The following PDE4D variants were observed in gnomAD, a reference collection of about 807,000 sequenced individuals.
PDE4D encodes the protein phosphodiesterase 4D.
In PDE4D, 24 loss-of-function variants were observed where a neutral mutation model predicts 87.4. That is an observed-to-expected ratio of 0.27 (90% CI 0.20 to 0.39). The LOEUF is 0.39. Among genes scored for constraint, PDE4D ranks in the 10% least tolerant of loss-of-function variants. PDE4D has a pLI of 1.00. For missense variants in PDE4D, 714 were observed against 1,041.0 expected (o/e 0.69, Z 4.32); for synonymous variants, 384 against 383.2 (o/e 1.00, Z -0.02).
chr5:59,379,796 A>G (rs1397945024), intron 1 of PDE4D, among the ~76,000 whole-genome samples: 1 of 152,100 alleles, frequency 6.6e-6, no homozygotes, highest in African/African-American at 2.4e-5. Context: ...AAATATCTAC[A>G]AGCAGAATTA....
intron 2 of PDE4D, among the ~76,000 whole-genome samples, chr5:60,152,116 A>G (rs1781559884): frequency 6.6e-6 from 1 of 152,180 alleles, no homozygotes; most frequent in South Asian, 2.1e-4. Context: ...ATAGTATATC[A>G]TCCTTTTAGT....
intron 1 of PDE4D, among the ~76,000 whole-genome samples, chr5:59,405,639 T>A (rs1398745519): frequency 6.6e-6 from 1 of 152,190 alleles, no homozygotes; most frequent in Non-Finnish European, 1.5e-5. Context: ...AAACTTTCAA[T>A]TTTTCCCCAT....
At chr5:59,189,260 T>TG (rs1743750539) in intron 3 of PDE4D, among the ~76,000 whole-genome samples, 1 of 144,258 alleles carries the variant, frequency 6.9e-6, no homozygotes, top group African/African-American at 2.6e-5. Flanking sequence ...TTTGTTTTTT[T>TG]TTTTTTGAGA....
chr5:59,933,599 T>G (rs1048071307), intron 3 of PDE4D, among the ~76,000 whole-genome samples: 1 of 152,152 alleles, frequency 6.6e-6, no homozygotes, highest in African/African-American at 2.4e-5. Flanking sequence ...TTACATTCAT[T>G]TGATAGGTCA....
At chr5:59,408,637 C>T (rs1187147920) in intron 1 of PDE4D, among the ~76,000 whole-genome samples, 1 of 152,196 alleles carries the variant, frequency 6.6e-6, no homozygotes, top group Non-Finnish European at 1.5e-5. Context: ...CAACTCCAAC[C>T]CATGAGAGCA....
chr5:60,381,538 G>A (rs1356043545), intron 1 of PDE4D, among the ~76,000 whole-genome samples: 9 of 152,186 alleles, frequency 5.9e-5, no homozygotes, highest in South Asian at 4.1e-4. Flanking sequence ...ATACAGTAGT[G>A]TACATGAGAC....
At chr5:60,112,501 C>G (rs559582422) in intron 2 of PDE4D, among the ~76,000 whole-genome samples, 1 of 152,132 alleles carries the variant, frequency 6.6e-6, no homozygotes, top group Non-Finnish European at 1.5e-5. Context: ...TCCATAAGGA[C>G]CATCCGAACT....
At chr5:59,618,828 T>C (rs908728574) in intron 1 of PDE4D, among the ~76,000 whole-genome samples, 1 of 152,032 alleles carries the variant, frequency 6.6e-6, no homozygotes, top group African/African-American at 2.4e-5. Context: ...ATGGGAGGCA[T>C]TGGTGCCCTT....
chr5:59,105,918 C>A (rs1378859361), intron 5 of PDE4D, among the ~76,000 whole-genome samples: 2 of 151,984 alleles, frequency 1.3e-5, no homozygotes, highest in Admixed American at 6.6e-5. Flanking sequence ...ACTAGTAATA[C>A]CTAGAAATAA....
intron 1 of PDE4D, among the ~76,000 whole-genome samples, chr5:59,764,765 C>T (rs1439163878): frequency 1.4e-5 from 2 of 145,402 alleles, no homozygotes; most frequent in African/African-American, 5.2e-5. Context: ...AAGTGATTCT[C>T]GTGCCTCAGC....
At chr5:59,307,973 A>G (rs1207398416) in intron 1 of PDE4D, among the ~76,000 whole-genome samples, 1 of 152,196 alleles carries the variant, frequency 6.6e-6, no homozygotes, top group Non-Finnish European at 1.5e-5. Flanking sequence ...AATGTCCAAC[A>G]ATGATAGACT....
At chr5:59,064,589 T>C (rs577503409) in intron 5 of PDE4D, among the ~76,000 whole-genome samples, 2 of 152,262 alleles carry the variant, frequency 1.3e-5, no homozygotes, top group African/African-American at 4.8e-5. Flanking sequence ...AATCTACTAG[T>C]GGTGAATTTT....
chr5:59,297,555 A>T (rs140665480), intron 1 of PDE4D, among the ~76,000 whole-genome samples: 1 of 152,280 alleles, frequency 6.6e-6, no homozygotes, highest in African/African-American at 2.4e-5. Context: ...CACAGGCCTC[A>T]TATGTGAATT....
At chr5:59,349,862 A>G (rs1349266308) in intron 1 of PDE4D, among the ~76,000 whole-genome samples, 1 of 151,994 alleles carries the variant, frequency 6.6e-6, no homozygotes, top group Non-Finnish European at 1.5e-5. Flanking sequence ...TATTTATTGC[A>G]GAGTTTGTAA....
intron 1 of PDE4D, among the ~76,000 whole-genome samples, chr5:60,415,540 C>T (rs1459020704): frequency 2.0e-5 from 3 of 152,222 alleles, no homozygotes; most frequent in East Asian, 1.9e-4. Flanking sequence ...TTGGTGGGCC[C>T]GCACTGGGAG....
At chr5:59,085,967 G>T (rs1322200915) in intron 5 of PDE4D, among the ~76,000 whole-genome samples, 1 of 152,110 alleles carries the variant, frequency 6.6e-6, no homozygotes, top group Non-Finnish European at 1.5e-5. Flanking sequence ...AGTATTCAGA[G>T]GTAGCTGATA....
intron 3 of PDE4D, among the ~76,000 whole-genome samples, chr5:59,950,746 T>A (rs902713705): frequency 6.6e-6 from 1 of 152,156 alleles, no homozygotes; most frequent in African/African-American, 2.4e-5. Context: ...TTTGTTGTTA[T>A]CTTTTGGCTT....
chr5:59,447,368 C>T (rs116466456), intron 1 of PDE4D, among the ~76,000 whole-genome samples: 1,711 of 151,364 alleles, frequency 0.011, 42 homozygotes, highest in African/African-American at 0.038. Context: ...GAAAACACTC[C>T]CTCATTTAGC....
intron 1 of PDE4D, among the ~76,000 whole-genome samples, chr5:59,455,003 G>A (rs4604141): frequency 0.06 from 9,194 of 152,216 alleles, 365 homozygotes; most frequent in Middle Eastern, 0.092. Context: ...CTTGGGTGCC[G>A]TTAAAGGCAT....
Sources: allele counts gnomAD v4.1 joint callset (sites outside exome capture counted in the v4.1 genomes callset), GRCh38; gene constraint gnomAD v4.1.1; transcripts MANE v1.5; gene names NCBI Gene and HGNC (gene_info 2026-07-23, HGNC 2026-07-21).